Variants in GPAT4 observed in about 807,000 individuals in gnomAD.
The protein encoded by GPAT4 is 1-AGP acyltransferase 6.
Under a neutral mutation model 58.0 loss-of-function variants are expected in GPAT4, and 17 were observed. The observed-to-expected ratio is 0.29, with a 90% CI of 0.20 to 0.44. The LOEUF (loss-of-function observed/expected upper bound fraction) is 0.44. Among genes scored for constraint, GPAT4 ranks in the 20% least tolerant of loss-of-function variants. GPAT4 has a pLI of 1.00. For missense variants in GPAT4, 377 were observed against 574.5 expected, an observed-to-expected ratio of 0.66 and a Z score of 3.51; for synonymous variants, 204 against 210.1, an observed-to-expected ratio of 0.97 and a Z score of 0.25.
intron 1 of GPAT4, among the ~76,000 whole-genome samples, chr8:41,587,599 C>T (rs1802689458): frequency 6.6e-6 from 1 of 152,106 alleles, no homozygotes; most frequent in Admixed American, 6.6e-5. Flanking sequence ...CTGTCCTGTG[C>T]ATTGTAAGAT....
At chr8:41,608,049 C>T (rs900958627) in intron 2 of GPAT4, among the ~76,000 whole-genome samples, 3 of 152,176 alleles carry the variant, frequency 2.0e-5, no homozygotes, top group Non-Finnish European at 4.4e-5. Flanking sequence ...GAAAGCTCGT[C>T]TGTGCTTAGA....
At chr8:41,586,166 G>A (rs746791616) in intron 1 of GPAT4, among the ~76,000 whole-genome samples, 84 of 149,760 alleles carry the variant, frequency 5.6e-4, no homozygotes, top group Non-Finnish European at 2.8e-4. Context: ...TGTATAAGTG[G>A]AATCAATATG....
At chr8:41,610,339 C>G in intron 4 of GPAT4, 10 of 1,218,194 alleles carry the variant, frequency 8.2e-6, no homozygotes, top group Non-Finnish European at 1.0e-5. Context: ...TCTGAGTGTG[C>G]CTTGCCAGAT....
chr8:41,611,968 C>T lies in GPAT4; in HGVS notation c.677C>T (p.Thr226Ile). 1 of 1,614,218 alleles carries T rather than the reference C, an allele frequency of 6.2e-7. No individual in the cohort carries two copies. Among genetic ancestry groups the T allele is most frequent in the Admixed American group, 1.7e-5 (1 of 60,024 alleles). The change falls in exon 6 of 13, where the codon ACA becomes ATA. Residue 226 changes from threonine (T) to isoleucine (I), a missense_variant. By Grantham distance (89) the Thr-to-Ile change is moderately conservative. Coordinates refer to ENST00000396987, the MANE Select transcript of GPAT4 (RefSeq NM_178819.4). ...MCYRICVRAL[T>I]AIITYHDREN... Reference sequence around the variant, plus strand: ...TACCGGATCTGCGTGCGAGCGCTGACAGCCATCATCACCTACCATGACAGG... The same window carrying T: ...TACCGGATCTGCGTGCGAGCGCTGATAGCCATCATCACCTACCATGACAGG...
At chr8:41,610,083 C>T (rs919011073) in intron 4 of GPAT4, 128 bp downstream of exon 4, 46 of 1,483,938 alleles carry the variant, frequency 3.1e-5, no homozygotes, top group Middle Eastern at 2.5e-4. Flanking sequence ...AGCCAGGCCA[C>T]GTGACTCTTT....
intron 2 of GPAT4, among the ~76,000 whole-genome samples, chr8:41,605,082 C>G (rs973310731): frequency 6.6e-6 from 1 of 152,142 alleles, no homozygotes; most frequent in Non-Finnish European, 1.5e-5. Flanking sequence ...CATTTTGGCT[C>G]TACTTTTCCA....
At chr8:41,609,994 A>G (rs776375117) in intron 4 of GPAT4, 39 bp downstream of exon 4, 1 of 1,560,750 alleles carries the variant, frequency 6.4e-7, no homozygotes, top group African/African-American at 1.4e-5. Context: ...CGCTGCTGCC[A>G]CCCCACGTGG....
intron 1 of GPAT4, among the ~76,000 whole-genome samples, chr8:41,581,651 C>CA (rs1302113298): frequency 1.6e-5 from 2 of 122,818 alleles, no homozygotes; most frequent in Admixed American, 9.1e-5. Context: ...TTTTTTGAGA[C>CA]AGAGTCTTGC....
intron 1 of GPAT4, among the ~76,000 whole-genome samples, chr8:41,586,812 G>T (rs1006687600): frequency 2.6e-5 from 4 of 152,210 alleles, no homozygotes; most frequent in Non-Finnish European, 4.4e-5. Context: ...CTCAGTTTCA[G>T]TTGTCCTTTC....
chr8:41,617,103 TG>T (rs1199630220), intron 10 of GPAT4, among the ~76,000 whole-genome samples: 3 of 152,208 alleles, frequency 2.0e-5, no homozygotes, highest in Admixed American at 6.5e-5. Flanking sequence ...GGTTCACGCC[TG>T]TAATCCCAGC....
intron 2 of GPAT4, among the ~76,000 whole-genome samples, chr8:41,600,588 GT>G (rs71548108): frequency 8.4e-4 from 122 of 144,526 alleles, no homozygotes; most frequent in South Asian, 3.5e-3. Context: ...AGCATATGGT[GT>G]TTTTTTTTTT....
chr8:41,614,903 G>A (rs1031186913), intron 9 of GPAT4, 60 bp from the exon 10 acceptor site: 33 of 1,394,536 alleles, frequency 2.4e-5, no homozygotes, highest in Middle Eastern at 1.8e-4. Flanking sequence ...TTTAAGAAAC[G>A]CCTAATATCT....
chr8:41,596,100 A>G (rs1380786595), intron 1 of GPAT4, among the ~76,000 whole-genome samples: 1 of 152,154 alleles, frequency 6.6e-6, no homozygotes, highest in Non-Finnish European at 1.5e-5. Flanking sequence ...TTTCTGGCCA[A>G]ACTTAGAACA....
chr8:41,610,397 G>A, intron 4 of GPAT4: 1 of 1,239,416 alleles, frequency 8.1e-7, no homozygotes, highest in South Asian at 1.7e-5. Flanking sequence ...GGGAAGCTGT[G>A]CTTCCACCGG....
At chr8:41,616,495 G>T (rs76728016) in intron 10 of GPAT4, among the ~76,000 whole-genome samples, 1,983 of 152,148 alleles carry the variant, frequency 0.013, 43 homozygotes, top group African/African-American at 0.042. Flanking sequence ...GAGTTTCCCC[G>T]CGTTGCTCAG....
At position 41,599,301 on chromosome 8, in the gene GPAT4, T is replaced by C. The variant is rs1803018306; in HGVS notation, c.162T>C (p.Phe54=). ...ACATGAAAAGTCTGTTAAAAATCTTTGCGGTAAGTTATGCTGTTACAAAAG... is the reference window on the plus strand; with the variant it reads ...ACATGAAAAGTCTGTTAAAAATCTTCGCGGTAAGTTATGCTGTTACAAAAG... ...KLYMKSLLKI[F]AWATLRMERG... The change falls in exon 2 of 13, where the codon TTT becomes TTC. Residue 54 remains phenylalanine, a synonymous_variant. Transcript: ENST00000396987. 1 of 1,613,964 alleles carries C rather than the reference T, an allele frequency of 6.2e-7. No homozygotes were observed. Among genetic ancestry groups the C allele is most frequent in the Non-Finnish European group, 8.5e-7 (1 of 1,179,956 alleles).
At chr8:41,608,617 G>A (rs893536256) in intron 2 of GPAT4, among the ~76,000 whole-genome samples, 2 of 152,134 alleles carry the variant, frequency 1.3e-5, no homozygotes, top group African/African-American at 4.8e-5. Context: ...GTGTTATTTC[G>A]GTAATAATCA....
rs1275300643 is a variant in GPAT4 at position 41,600,268 on chromosome 8, G to C, written c.165+964G>C. Among the ~76,000 whole-genome samples the C allele has an allele frequency of 2.6e-5, 4 of 151,944 alleles. No individual in the cohort carries two copies. The East Asian group carries it at 5.8e-4, about 22-fold the overall frequency. ...TTGTCCAGGCTGGTCTCGAACTCCT[G>C]ACCCCTCAAGTGATCTGTCCACCTC... is the stretch of plus-strand genomic sequence containing the variant. On this transcript the variant is annotated intron_variant, in intron 2 of 12. Transcript: ENST00000396987.
intron 1 of GPAT4, among the ~76,000 whole-genome samples, chr8:41,579,503 G>A (rs7825417): frequency 0.01 from 1,559 of 152,272 alleles, 27 homozygotes; most frequent in African/African-American, 0.036. Context: ...GTTGAAGAAA[G>A]AGCACAGCAA....
Sources: gnomAD v4.1 joint callset for allele counts (sites outside exome capture counted in the v4.1 genomes callset) on GRCh38, gnomAD v4.1.1 for gene constraint, MANE v1.5 for transcripts, NCBI Gene and HGNC (gene_info 2026-07-23, HGNC 2026-07-21) for gene names.